DRC11: variants seen among roughly 807,000 people sequenced by gnomAD.
The protein encoded by DRC11 is dynein regulatory complex subunit 11, also known as IQ and AAA domain-containing protein 1.
the DRC11 span, among the ~76,000 whole-genome samples, chr2:236,394,824 T>G: frequency 1.3e-5 from 2 of 152,096 alleles, no homozygotes; most frequent in South Asian, 4.1e-4. This position sits in a 1 kb window ranked among gnomAD's most constrained non-coding sequence, Gnocchi z 7.0. Context: ...CAAGAGCTCT[T>G]GGCTGGCCTA....
the DRC11 span, chr2:236,324,722 GT>G: frequency 2.5e-6 from 4 of 1,602,396 alleles, no homozygotes; most frequent in South Asian, 4.5e-5. This position sits in a 1 kb window ranked among gnomAD's most constrained non-coding sequence, Gnocchi z 5.7. Context: ...TGCCTTTTCT[GT>G]GCTGCCTCCT....
the DRC11 span, among the ~76,000 whole-genome samples, chr2:236,340,769 T>C: frequency 6.6e-6 from 1 of 152,160 alleles, no homozygotes; most frequent in Admixed American, 6.5e-5. Flanking sequence ...TGTCCTGAAA[T>C]GGCAGGGACA....
At chr2:236,359,191 C>CTAGTAGACTATATA in the DRC11 span, among the ~76,000 whole-genome samples, 3 of 151,814 alleles carry the variant, frequency 2.0e-5, no homozygotes, top group East Asian at 5.8e-4. The surrounding 1 kb of genome is among the most constrained non-coding windows in gnomAD (Gnocchi z 4.3). Context: ...CTTTCCTCCC[C>CTAGTAGACTATATA]TAGTAGACTA....
At chr2:236,498,089 G>A in the DRC11 span, among the ~76,000 whole-genome samples, 1 of 152,154 alleles carries the variant, frequency 6.6e-6, no homozygotes, top group African/African-American at 2.4e-5. Context: ...AGTGAAAAAT[G>A]AATGAATGAA....
the DRC11 span, among the ~76,000 whole-genome samples, chr2:236,388,368 T>C: frequency 2.0e-5 from 3 of 148,366 alleles, no homozygotes; most frequent in African/African-American, 7.4e-5. Flanking sequence ...TTTCTTTTTA[T>C]TCTTTTTTCT....
At chr2:236,421,947 T>C in the DRC11 span, among the ~76,000 whole-genome samples, 3,165 of 152,182 alleles carry the variant, frequency 0.021, 122 homozygotes, top group African/African-American at 0.072. Flanking sequence ...ACAGAACCAA[T>C]GACAAAAACC....
At chr2:236,348,424 C>A in the DRC11 span, among the ~76,000 whole-genome samples, 1 of 152,178 alleles carries the variant, frequency 6.6e-6, no homozygotes, top group African/African-American at 2.4e-5. The surrounding 1 kb of genome is among the most constrained non-coding windows in gnomAD (Gnocchi z 7.4). Flanking sequence ...CCGGTCCGAA[C>A]AGGGTCACTC....
chr2:236,326,172 T>C, the DRC11 span, among the ~76,000 whole-genome samples: 1 of 152,370 alleles, frequency 6.6e-6, no homozygotes, highest in African/African-American at 2.4e-5. Context: ...TGCTGATTAC[T>C]AGGAGTTTAT....
chr2:236,405,337 C>A, the DRC11 span, among the ~76,000 whole-genome samples: 1 of 151,682 alleles, frequency 6.6e-6, no homozygotes, highest in Non-Finnish European at 1.5e-5. The surrounding 1 kb of genome is among the most constrained non-coding windows in gnomAD (Gnocchi z 4.6). Context: ...TAGTATCTGC[C>A]TTCTCTGCTT....
the DRC11 span, among the ~76,000 whole-genome samples, chr2:236,393,900 T>C: frequency 6.6e-6 from 1 of 152,308 alleles, no homozygotes; most frequent in South Asian, 2.1e-4. This position sits in a 1 kb window ranked among gnomAD's most constrained non-coding sequence, Gnocchi z 4.7. Flanking sequence ...TAGCAGGGGA[T>C]AGCCTTTGCA....
At chr2:236,344,663 G>A in the DRC11 span, 1 of 1,588,010 alleles carries the variant, frequency 6.3e-7, no homozygotes, top group African/African-American at 1.3e-5. Context: ...AAAAGGCAGG[G>A]CCCTGGTTGT....
At chr2:236,395,512 G>T in the DRC11 span, among the ~76,000 whole-genome samples, 1 of 152,200 alleles carries the variant, frequency 6.6e-6, no homozygotes. Flanking sequence ...TAGGAGGTAT[G>T]TACTCCAAAG....
the DRC11 span, among the ~76,000 whole-genome samples, chr2:236,479,148 T>C: frequency 2.6e-5 from 4 of 152,194 alleles, no homozygotes; most frequent in African/African-American, 4.8e-5. This position sits in a 1 kb window ranked among gnomAD's most constrained non-coding sequence, Gnocchi z 4.1. Flanking sequence ...TTTTATCTAA[T>C]AGAAGTATAC....
chr2:236,324,660 T>G, the DRC11 span: 1 of 1,315,034 alleles, frequency 7.6e-7, no homozygotes, highest in Non-Finnish European at 1.1e-6. The surrounding 1 kb of genome is among the most constrained non-coding windows in gnomAD (Gnocchi z 5.7). Context: ...AGGCATTACT[T>G]TTTCTTTTTT....
the DRC11 span, among the ~76,000 whole-genome samples, chr2:236,458,089 A>G: frequency 6.6e-6 from 1 of 152,146 alleles, no homozygotes; most frequent in Non-Finnish European, 1.5e-5. Flanking sequence ...AATGGTTCTA[A>G]TTACAAAGGA....
chr2:236,357,530 T>C, the DRC11 span, among the ~76,000 whole-genome samples: 11 of 127,656 alleles, frequency 8.6e-5, no homozygotes, highest in Admixed American at 6.6e-4. Context: ...TTATATATTA[T>C]GAATATAATT....
the DRC11 span, chr2:236,497,235 G>A: frequency 4.0e-5 from 65 of 1,613,414 alleles, no homozygotes; most frequent in Non-Finnish European, 4.4e-5. The surrounding 1 kb of genome is among the most constrained non-coding windows in gnomAD (Gnocchi z 5.1). Flanking sequence ...CCACCATCTC[G>A]TTCTTCAGCT....
At chr2:236,391,883 G>A in the DRC11 span, 19 of 1,001,426 alleles carry the variant, frequency 1.9e-5, no homozygotes, top group Non-Finnish European at 2.6e-5. This position sits in a 1 kb window ranked among gnomAD's most constrained non-coding sequence, Gnocchi z 4.5. Context: ...GGCAACAGGC[G>A]GCCCTCCTGG....
At chr2:236,458,872 C>G in the DRC11 span, among the ~76,000 whole-genome samples, 1 of 152,112 alleles carries the variant, frequency 6.6e-6, no homozygotes, top group Non-Finnish European at 1.5e-5. Flanking sequence ...TGGTGAAACC[C>G]TGTCTCTACT....
Sources: allele counts gnomAD v4.1 joint callset (sites outside exome capture counted in the v4.1 genomes callset), GRCh38; gene constraint gnomAD v4.1.1; non-coding constraint Gnocchi (gnomAD v3.1); transcripts MANE v1.5; gene names NCBI Gene and HGNC (gene_info 2026-07-23, HGNC 2026-07-21).